The following TENM2 variants were observed in gnomAD, a reference collection of about 807,000 sequenced individuals.
The protein encoded by TENM2 is teneurin-2.
In TENM2, 52 loss-of-function variants were observed where a neutral mutation model predicts 245.2. The ratio of observed to expected loss-of-function variants is 0.21; its 90% CI spans 0.17 to 0.27. The LOEUF (loss-of-function observed/expected upper bound fraction) is 0.27, where lower values mean the gene tolerates loss of function less well. Among genes scored for constraint, TENM2 ranks in the 10% least tolerant of loss-of-function variants. The pLI, the probability that TENM2 is intolerant of heterozygous loss-of-function variation, is 1.00. For synonymous variants in TENM2, 1,363 were observed against 1,438.9 expected (o/e 0.95, Z 1.19); for missense variants, 3,046 against 3,666.8 (o/e 0.83, Z 4.37).
chr5:167,901,594 T>A (rs971382473), intron 3 of TENM2, among the ~76,000 whole-genome samples: 1 of 152,162 alleles, frequency 6.6e-6, no homozygotes, highest in Non-Finnish European at 1.5e-5. Flanking sequence ...CATAACATTA[T>A]TGTGAGAAGG....
chr5:167,631,827 C>T (rs1582598309), intron 2 of TENM2, among the ~76,000 whole-genome samples: 1 of 152,150 alleles, frequency 6.6e-6, no homozygotes, highest in South Asian at 2.1e-4. Context: ...GCCACACACT[C>T]TCATAAATAC....
chr5:167,002,018 CATA>C, the TENM2 span, among the ~76,000 whole-genome samples: 2 of 151,988 alleles, frequency 1.3e-5, 1 homozygote, highest in South Asian at 4.2e-4. Context: ...TATTATTCAC[CATA>C]ATATTTTACC....
At chr5:167,881,433 G>C (rs914221914) in intron 3 of TENM2, among the ~76,000 whole-genome samples, 2 of 152,170 alleles carry the variant, frequency 1.3e-5, no homozygotes, top group African/African-American at 4.8e-5. Flanking sequence ...CTCCACTGCA[G>C]TTTCTCTGGT....
chr5:167,652,584 C>T (rs1056207916), intron 2 of TENM2, among the ~76,000 whole-genome samples: 1 of 60,248 alleles, frequency 1.7e-5, no homozygotes, highest in Non-Finnish European at 3.3e-5. Flanking sequence ...ATCCTTCCCC[C>T]AAACCACCAA....
intron 2 of TENM2, among the ~76,000 whole-genome samples, chr5:167,453,042 G>A (rs1350879854): frequency 6.8e-6 from 1 of 146,860 alleles, no homozygotes; most frequent in Non-Finnish European, 1.5e-5. Flanking sequence ...GAATGAGAAG[G>A]TGAAGTTTTT....
chr5:168,242,127 G>A (rs934053375), intron 25 of TENM2, among the ~76,000 whole-genome samples: 1 of 152,168 alleles, frequency 6.6e-6, no homozygotes, highest in Admixed American at 6.5e-5. Flanking sequence ...AGATTGCCTA[G>A]CTCTCAGCTG....
the TENM2 span, among the ~76,000 whole-genome samples, chr5:167,215,483 T>A: frequency 6.6e-6 from 1 of 152,154 alleles, no homozygotes; most frequent in Admixed American, 6.6e-5. Flanking sequence ...AGCTTTTACA[T>A]GCAACTGAAA....
chr5:168,032,628 C>A (rs535283243), intron 5 of TENM2, among the ~76,000 whole-genome samples: 1 of 152,230 alleles, frequency 6.6e-6, no homozygotes, highest in Admixed American at 6.5e-5. Context: ...TCTAAAGAAG[C>A]AAAGAAAAAC....
In TENM2 at chr5:168,030,158, C is replaced by CTTTTTTTTTTT. The variant is rs540326142; in HGVS notation, c.1187-17250_1187-17240dup. Among the ~76,000 whole-genome samples the CTTTTTTTTTTT allele has an allele frequency of 1.8e-4, 12 of 65,286 alleles. 1 individual carries two copies. Among genetic ancestry groups the CTTTTTTTTTTT allele is most frequent in the East Asian group, 1.8e-3 (2 of 1,130 alleles). The allele number at this position is 65,286 out of a possible 152,430, so 42.8% of individuals were successfully genotyped here. On this transcript the variant is annotated intron_variant, in intron 5 of 28. Transcript: ENST00000518659. ...CTTTGGCCCAAGTCTGGTTCTGGCT[C>CTTTTTTTTTTT]TTTTTTTTTTTTTTTTTTTTTTTTT...
At chr5:167,874,781 T>G (rs1773279438) in intron 2 of TENM2, among the ~76,000 whole-genome samples, 1 of 152,232 alleles carries the variant, frequency 6.6e-6, no homozygotes, top group Admixed American at 6.5e-5. Context: ...CAGCAGCCTC[T>G]GTGTGGGAGG....
chr5:167,642,284 A>G (rs1233116386), intron 2 of TENM2, among the ~76,000 whole-genome samples: 1 of 152,056 alleles, frequency 6.6e-6, no homozygotes, highest in African/African-American at 2.4e-5. Context: ...TTTCTGAAAT[A>G]TCAGGTATTC....
At chr5:167,162,139 T>A in the TENM2 span, among the ~76,000 whole-genome samples, 858 of 148,772 alleles carry the variant, frequency 5.8e-3, 8 homozygotes, top group African/African-American at 0.021. Context: ...ACCACTGCAC[T>A]CCAGCCTGGG....
intron 1 of TENM2, among the ~76,000 whole-genome samples, chr5:167,302,731 A>G (rs1366642742): frequency 6.6e-6 from 1 of 152,088 alleles, no homozygotes; most frequent in Admixed American, 6.5e-5. Context: ...GGGGGTTCTT[A>G]CTGCCCAGAA....
chr5:168,007,933 G>A (rs565735838), intron 5 of TENM2, among the ~76,000 whole-genome samples: 4 of 151,960 alleles, frequency 2.6e-5, no homozygotes, highest in South Asian at 2.1e-4. Flanking sequence ...CCGTAATAGC[G>A]ATGATACCTT....
the TENM2 span, among the ~76,000 whole-genome samples, chr5:167,268,212 A>G: frequency 6.6e-6 from 1 of 152,218 alleles, no homozygotes; most frequent in Non-Finnish European, 1.5e-5. Flanking sequence ...ATATTCACTG[A>G]CAAACCTCAA....
At chr5:167,848,825 T>C (rs561598891) in intron 2 of TENM2, among the ~76,000 whole-genome samples, 2 of 152,346 alleles carry the variant, frequency 1.3e-5, no homozygotes, top group South Asian at 4.1e-4. Context: ...TCTTCCCCAC[T>C]TCTACCCCTT....
At chr5:168,262,025 TTC>T (rs1768235140) in intron 28 of TENM2, 22 bp from the exon 31 acceptor site, 2 of 1,603,374 alleles carry the variant, frequency 1.2e-6, no homozygotes, top group African/African-American at 1.3e-5. Flanking sequence ...CTTCTCAGCT[TTC>T]TCTGTTTTCT....
At chr5:167,037,247 G>T in the TENM2 span, among the ~76,000 whole-genome samples, 1 of 152,136 alleles carries the variant, frequency 6.6e-6, no homozygotes, top group South Asian at 2.1e-4. Flanking sequence ...TCATAAACTT[G>T]CTATTTTTCA....
At chr5:167,778,092 T>C (rs1349605515) in intron 2 of TENM2, among the ~76,000 whole-genome samples, 3 of 152,204 alleles carry the variant, frequency 2.0e-5, no homozygotes, top group Non-Finnish European at 2.9e-5. Context: ...TAGCCTTTTA[T>C]AGAAAAAATG....
Sources: allele counts gnomAD v4.1 joint callset (sites outside exome capture counted in the v4.1 genomes callset), GRCh38; gene constraint gnomAD v4.1.1; transcripts MANE v1.5; gene names NCBI Gene and HGNC (gene_info 2026-07-23, HGNC 2026-07-21).